The following KCTD16 variants were observed in gnomAD, a reference collection of about 807,000 sequenced individuals.
KCTD16 encodes potassium channel tetramerization domain containing 16.
KCTD16 carries 13 observed loss-of-function variants against 33.2 expected under a neutral mutation model. That is an observed-to-expected ratio of 0.39 (90% CI 0.25 to 0.62). The LOEUF (loss-of-function observed/expected upper bound fraction) is 0.62. KCTD16 is among the 20% of genes least tolerant of loss of function. The pLI is 0.50. For missense variants in KCTD16, 441 were observed against 525.1 expected, an observed-to-expected ratio of 0.84 and a Z score of 1.57; for synonymous variants, 197 against 195.3, an observed-to-expected ratio of 1.01 and a Z score of -0.07.
chr5:144,180,185 T>C (rs887301814), intron 2 of KCTD16, among the ~76,000 whole-genome samples: 4 of 152,176 alleles, frequency 2.6e-5, no homozygotes, highest in African/African-American at 9.6e-5. Flanking sequence ...CTGTCAGTGA[T>C]AATGATGCTC....
intron 3 of KCTD16, among the ~76,000 whole-genome samples, chr5:144,308,557 C>G (rs1053928730): frequency 1.3e-5 from 2 of 152,200 alleles, no homozygotes; most frequent in African/African-American, 4.8e-5. Flanking sequence ...TTATGGGGAT[C>G]TGGAGTCTTG....
rs568257249 is a variant in KCTD16, at chr5:144,269,003, T to G, written c.832+61457T>G. Among the ~76,000 whole-genome samples, 51 of 152,064 alleles carry G rather than the reference T, an allele frequency of 3.4e-4. 1 individual carries two copies. Among genetic ancestry groups the G allele is most frequent in the Admixed American group, 8.5e-4 (13 of 15,256 alleles). Reference sequence around the variant, plus strand: ...ATTTGAACAAGGAGAAGAAACAATCTGCAATCTTGAAGATAGGACAATGGA... The same window carrying G: ...ATTTGAACAAGGAGAAGAAACAATCGGCAATCTTGAAGATAGGACAATGGA... On this transcript the variant is annotated intron_variant, in intron 3 of 3. Transcript: ENST00000512467.
chr5:144,250,827 AATATCT>A (rs1358196473), intron 3 of KCTD16, among the ~76,000 whole-genome samples: 4 of 152,310 alleles, frequency 2.6e-5, no homozygotes, highest in Admixed American at 6.5e-5. Context: ...TGGGGCTAAC[AATATCT>A]ATATGTATTA....
intron 3 of KCTD16, among the ~76,000 whole-genome samples, chr5:144,438,158 A>T (rs1037422323): frequency 7.9e-5 from 12 of 152,322 alleles, no homozygotes; most frequent in African/African-American, 2.9e-4. Flanking sequence ...TTAAAATTAG[A>T]TGTGTGGTTC....
intron 3 of KCTD16, among the ~76,000 whole-genome samples, chr5:144,302,616 A>G (rs895319472): frequency 3.3e-5 from 5 of 152,188 alleles, no homozygotes; most frequent in Admixed American, 3.3e-4. Context: ...AGCCCAAATG[A>G]CTTTTAGCTT....
chr5:144,200,095 A>C (rs1753014508), intron 2 of KCTD16, among the ~76,000 whole-genome samples: 1 of 152,142 alleles, frequency 6.6e-6, no homozygotes. Context: ...AGACCCTGTG[A>C]ATATAGTCAG....
intron 3 of KCTD16, among the ~76,000 whole-genome samples, chr5:144,454,287 A>G (rs912300286): frequency 2.0e-5 from 3 of 152,228 alleles, no homozygotes; most frequent in African/African-American, 7.2e-5. Flanking sequence ...TCATAAAACC[A>G]GAGCATTCAT....
chr5:144,232,842 A>G (rs1754144035), intron 3 of KCTD16, among the ~76,000 whole-genome samples: 1 of 152,208 alleles, frequency 6.6e-6, no homozygotes, highest in Non-Finnish European at 1.5e-5. Flanking sequence ...TTCAATTTTT[A>G]AATTAAAGTC....
At chr5:144,406,548 AT>A (rs1427143590) in intron 3 of KCTD16, among the ~76,000 whole-genome samples, 1 of 152,160 alleles carries the variant, frequency 6.6e-6, no homozygotes, top group Non-Finnish European at 1.5e-5. Flanking sequence ...AAAAGGCAAG[AT>A]TTTCCCCTTC....
intron 3 of KCTD16, among the ~76,000 whole-genome samples, chr5:144,210,812 G>A (rs1753366895): frequency 6.6e-6 from 1 of 152,138 alleles, no homozygotes; most frequent in African/African-American, 2.4e-5. Context: ...ATTTCCATAA[G>A]CCTACTCATG....
In KCTD16 at chr5:144,479,433, C is replaced by CTT. The variant is rs1754662219; in HGVS notation, c.*5319_*5320insTT. ...GTGAATTCAAAAGGGTTTCAATGATCCAATTGACCCTATTCATTTAACAGA... is the reference window on the plus strand; with the variant it reads ...GTGAATTCAAAAGGGTTTCAATGATCTTCAATTGACCCTATTCATTTAACAGA... On this transcript the variant is annotated 3_prime_UTR_variant, in exon 4 of 4. Coordinates refer to ENST00000512467, the MANE Select transcript of KCTD16 (RefSeq NM_020768.4). The CTT allele has an allele frequency of 6.6e-6, 1 of 150,392 alleles. No homozygotes were observed. Among genetic ancestry groups the CTT allele is most frequent in the African/African-American group, 2.4e-5 (1 of 41,016 alleles). The allele number at this position is 150,392 out of a possible 1,614,324, so 9.3% of individuals were successfully genotyped here.
intron 3 of KCTD16, among the ~76,000 whole-genome samples, chr5:144,372,689 C>G (rs1378741566): frequency 6.6e-6 from 1 of 152,092 alleles, no homozygotes; most frequent in African/African-American, 2.4e-5. Context: ...AACTGTATGT[C>G]TAAAGGCTTG....
chr5:144,278,309 T>A (rs965559498), intron 3 of KCTD16, among the ~76,000 whole-genome samples: 2 of 151,934 alleles, frequency 1.3e-5, no homozygotes, highest in African/African-American at 4.8e-5. Context: ...ATCAAAAAAA[T>A]TTGTGTGTGT....
intron 3 of KCTD16, among the ~76,000 whole-genome samples, chr5:144,327,656 C>T (rs29889): frequency 0.34 from 50,875 of 151,790 alleles, 9,216 homozygotes; most frequent in African/African-American, 0.47. Flanking sequence ...ACTAAATATA[C>T]ACATGAATTA....
At chr5:144,249,040 C>T (rs1294426991) in intron 3 of KCTD16, among the ~76,000 whole-genome samples, 1 of 152,098 alleles carries the variant, frequency 6.6e-6, no homozygotes, top group Non-Finnish European at 1.5e-5. Flanking sequence ...CAATGGCTTC[C>T]CTCTTCATTT....
In KCTD16 at chr5:144,485,649, G is replaced by A. The variant is rs1161669100; in HGVS notation, c.*11535G>A. On this transcript the variant is annotated 3_prime_UTR_variant, in exon 4 of 4. Coordinates refer to ENST00000512467, the MANE Select transcript of KCTD16 (RefSeq NM_020768.4). ...TAAATGACTCCATTTCATATGCATT[G>A]TAATTTAGCACAAATCATAATAAAT... 1 of 151,836 alleles carries A rather than the reference G, an allele frequency of 6.6e-6. No homozygotes were observed. Among genetic ancestry groups the A allele is most frequent in the Admixed American group, 6.6e-5 (1 of 15,206 alleles). 9.4% of individuals were successfully genotyped at this position (151,836 alleles called of 1,614,324 possible). A position where few individuals can be genotyped will look rare whatever the true frequency, so the allele number is the denominator to read the frequency against.
intron 1 of KCTD16, among the ~76,000 whole-genome samples, chr5:144,173,924 G>C (rs1338272205): frequency 1.5e-5 from 2 of 133,646 alleles, no homozygotes; most frequent in South Asian, 4.7e-4. Flanking sequence ...TTTTGGCATT[G>C]CTCCCTCACT....
intron 3 of KCTD16, among the ~76,000 whole-genome samples, chr5:144,314,808 A>G (rs1466200614): frequency 6.6e-6 from 1 of 152,206 alleles, no homozygotes; most frequent in Non-Finnish European, 1.5e-5. Context: ...ACAAGACAGT[A>G]CATTTAAACC....
At chr5:144,459,986 C>T (rs1754157723) in intron 3 of KCTD16, among the ~76,000 whole-genome samples, 1 of 151,980 alleles carries the variant, frequency 6.6e-6, no homozygotes, top group African/African-American at 2.4e-5. Flanking sequence ...GCATCTGCCA[C>T]CACGCCTGGC....
Sources: gnomAD v4.1 joint callset for allele counts (sites outside exome capture counted in the v4.1 genomes callset) on GRCh38, gnomAD v4.1.1 for gene constraint, MANE v1.5 for transcripts, NCBI Gene and HGNC (gene_info 2026-07-23, HGNC 2026-07-21) for gene names.